Variants in SEC31A observed in about 807,000 individuals in gnomAD.
SEC31A encodes protein transport protein Sec31A.
Under a neutral mutation model 151.0 loss-of-function variants are expected in SEC31A, and 70 were observed. The ratio of observed to expected loss-of-function variants is 0.46; its 90% confidence interval spans 0.38 to 0.57. The LOEUF (loss-of-function observed/expected upper bound fraction) is 0.57, where lower values mean the gene tolerates loss of function less well. SEC31A is among the 20% of genes least tolerant of loss of function. SEC31A has a pLI of 0.00. For missense variants in SEC31A, 1,330 were observed against 1,471.2 expected (o/e 0.90, Z 1.57); for synonymous variants, 475 against 505.9 (o/e 0.94, Z 0.82).
chr4:82,832,289 C>T (rs1314516443), intron 22 of SEC31A, among the ~76,000 whole-genome samples: 5 of 152,134 alleles, frequency 3.3e-5, no homozygotes, highest in African/African-American at 1.2e-4. Flanking sequence ...ACAAACCTGA[C>T]ACACACAAGC....
At chr4:82,890,740 G>A (rs1560680250) in intron 1 of SEC31A, 2 of 1,137,046 alleles carry the variant, frequency 1.8e-6, no homozygotes, top group Non-Finnish European at 2.2e-6. Flanking sequence ...CCTCACCCTC[G>A]GGGACCGCAC....
upstream of SEC31A, chr4:82,891,247 G>C: frequency 7.1e-7 from 1 of 1,402,958 alleles, no homozygotes; most frequent in Non-Finnish European, 9.6e-7. Flanking sequence ...CAACACTTCC[G>C]GGAGCGACAT....
At position 82,891,107 on chromosome 4, in the gene SEC31A, G is replaced by T. The variant is rs1026523526; in HGVS notation, c.-24C>A. On this transcript the variant is annotated 5_prime_UTR_variant, in exon 1 of 27. In the 5' UTR this introduces an upstream ATG that the reference lacks. Coordinates refer to ENST00000395310, the MANE Select transcript of SEC31A (RefSeq NM_001077207.4). The stretch of plus-strand genomic sequence containing the variant: ...ACGCACCTGGCGAGGACCTTCGGCA[G>T]CCGGATCCTGCGTTAGTGCAGCGCT... 2.0e-6 allele frequency: 3 copies of T among 1,535,956 alleles called. No individual in the cohort carries two copies. The highest frequency in any genetic ancestry group is 2.6e-6 in the Non-Finnish European group (3 of 1,146,780).
intron 6 of SEC31A, 68 bp downstream of exon 6, chr4:82,874,543 G>A (rs2125729427): frequency 7.1e-7 from 1 of 1,416,828 alleles, no homozygotes; most frequent in East Asian, 2.6e-5. Context: ...TGTCAACTCT[G>A]ACAAACAATA....
chr4:82,878,588 C>A, intron 4 of SEC31A, 142 bp downstream of exon 4: 1 of 642,130 alleles, frequency 1.6e-6, no homozygotes. Context: ...CTGAACCCAC[C>A]ATTCTTTAAA....
intron 7 of SEC31A, chr4:82,871,701 T>C (rs760744767): frequency 1.7e-4 from 90 of 535,902 alleles, no homozygotes; most frequent in Non-Finnish European, 2.7e-4. Flanking sequence ...TTTCCTGGCA[T>C]GGTGGCTTGC....
upstream of SEC31A, chr4:82,894,251 C>T (rs961856883): frequency 6.7e-6 from 1 of 148,806 alleles, no homozygotes; most frequent in African/African-American, 2.4e-5. Flanking sequence ...TTTAACTGAA[C>T]TACTTATCTT....
In SEC31A at chr4:82,880,813, G is replaced by A. The variant is rs766115814; in HGVS notation, c.189C>T (p.Phe63=). The change falls in exon 3 of 27, where the codon TTC becomes TTT. Residue 63 remains phenylalanine (F), a synonymous_variant. Transcript: ENST00000395310. ...GAACCTCATACCTGTGAGAAGAGGAGAATGTGGCACAAGATTTCATATCCA... is the reference window on the plus strand; with the variant it reads ...GAACCTCATACCTGTGAGAAGAGGAAAATGTGGCACAAGATTTCATATCCA... ...PSLDMKSCAT[F]SSSHRYHKLI... The A allele has an allele frequency of 6.2e-7, 1 of 1,612,006 alleles. No individual in the cohort carries two copies. Among genetic ancestry groups the A allele is most frequent in the Non-Finnish European group, 8.5e-7 (1 of 1,178,868 alleles).
At chr4:82,855,282 A>G (rs186018864) in intron 16 of SEC31A, among the ~76,000 whole-genome samples, 1 of 152,358 alleles carries the variant, frequency 6.6e-6, no homozygotes, top group Non-Finnish European at 1.5e-5. Flanking sequence ...CTTTAATAGA[A>G]AGGTGTGACC....
intron 14 of SEC31A, among the ~76,000 whole-genome samples, chr4:82,861,069 T>TA (rs57273848): frequency 2.5e-3 from 351 of 143,058 alleles, no homozygotes; most frequent in South Asian, 9.9e-3. Context: ...CATTAGTGGT[T>TA]AAAAAAAAAA....
At chr4:82,855,130 G>A (rs182945166) in intron 16 of SEC31A, 101 bp from the exon 17 acceptor site, 5 of 974,512 alleles carry the variant, frequency 5.1e-6, no homozygotes, top group African/African-American at 3.4e-5. Context: ...GCCAAATGCA[G>A]CAGCAAAATG....
intron 3 of SEC31A, among the ~76,000 whole-genome samples, chr4:82,879,857 G>A (rs1053792425): frequency 5.3e-5 from 8 of 152,124 alleles, no homozygotes; most frequent in African/African-American, 1.4e-4. Flanking sequence ...ATTAGAAATC[G>A]TGTCAACAAA....
intron 7 of SEC31A, 182 bp downstream of exon 7, chr4:82,871,762 C>T: frequency 3.0e-6 from 2 of 660,496 alleles, no homozygotes; most frequent in Non-Finnish European, 5.0e-6. Flanking sequence ...TCGTTTGAAC[C>T]TGGGAGGCAG....
chr4:82,872,206 A>T (rs77041306), intron 6 of SEC31A, 120 bp from the exon 7 acceptor site: 7 of 711,618 alleles, frequency 9.8e-6, no homozygotes, highest in Non-Finnish European at 1.1e-5. Context: ...GGCTTATTTT[A>T]TTTATGATCT....
rs372234763 is a variant in SEC31A at position 82,864,604 on chromosome 4, A to G, written c.1198-6T>C. The G allele has an allele frequency of 6.7e-5, 108 of 1,612,004 alleles. No individual in the cohort carries two copies. The African/African-American group carries it at 1.3e-3, about 20-fold the overall frequency. On this transcript the variant is annotated splice_polypyrimidine_tract_variant and splice_region_variant and intron_variant, in intron 10 of 26. Transcript: ENST00000395310. Reference sequence around the variant, plus strand: ...GTAACCAGTTTGCCTCCAAACTATAAAAGAGAGAATGAACAAACTCAGTGT... The same window carrying G: ...GTAACCAGTTTGCCTCCAAACTATAGAAGAGAGAATGAACAAACTCAGTGT...
intron 22 of SEC31A, among the ~76,000 whole-genome samples, chr4:82,836,351 C>T (rs1315434101): frequency 6.1e-5 from 7 of 115,408 alleles, no homozygotes; most frequent in Non-Finnish European, 1.1e-4. Context: ...CCAGCCTGGG[C>T]AACAGAGTGA....
chr4:82,863,160 T>C (rs1734553870), intron 12 of SEC31A, 158 bp downstream of exon 12: 3 of 558,584 alleles, frequency 5.4e-6, no homozygotes, highest in Non-Finnish European at 3.1e-6. Context: ...TGGGTAATGA[T>C]GGAGAATAAG....
chr4:82,837,192 TATATATA>T (rs1400648458), intron 22 of SEC31A, among the ~76,000 whole-genome samples: 669 of 57,954 alleles, frequency 0.012, 25 homozygotes, highest in Admixed American at 0.019. Context: ...TATATATATA[TATATATA>T]ATTTCACCAC....
chr4:82,874,125 C>A (rs2125722300), intron 6 of SEC31A, among the ~76,000 whole-genome samples: 1 of 152,128 alleles, frequency 6.6e-6, no homozygotes, highest in African/African-American at 2.4e-5. Context: ...TGGTGAAACC[C>A]CATCTCTACC....
Sources: allele counts gnomAD v4.1 joint callset (sites outside exome capture counted in the v4.1 genomes callset), GRCh38; gene constraint gnomAD v4.1.1; transcripts MANE v1.5; gene names NCBI Gene and HGNC (gene_info 2026-07-23, HGNC 2026-07-21).